The following FRMPD2 variants were observed in gnomAD, a reference collection of about 807,000 sequenced individuals.
The protein encoded by FRMPD2 is FERM and PDZ domain-containing protein 2.
FRMPD2 carries 96 observed loss-of-function variants against 140.1 expected under a neutral mutation model. The ratio of observed to expected loss-of-function variants is 0.69; its 90% CI spans 0.58 to 0.81. The LOEUF (loss-of-function observed/expected upper bound fraction) is 0.81. Among genes scored for constraint, FRMPD2 ranks in the 40% least tolerant of loss-of-function variants. FRMPD2 has a pLI of 0.00. For missense variants in FRMPD2, 1,240 were observed against 1,447.4 expected, an observed-to-expected ratio of 0.86 and a Z score of 2.32; for synonymous variants, 449 against 547.6, an observed-to-expected ratio of 0.82 and a Z score of 2.52.
At chr10:48,175,026 C>T (rs1385725936) in intron 23 of FRMPD2, 71 bp from the exon 24 acceptor site, 2 of 666,120 alleles carry the variant, frequency 3.0e-6, no homozygotes, top group South Asian at 1.9e-5. Flanking sequence ...CCAGGAGGCC[C>T]CTGCCCGGCA....
intron 12 of FRMPD2, among the ~76,000 whole-genome samples, chr10:48,218,449 C>T (rs2131895628): frequency 6.6e-6 from 1 of 152,306 alleles, no homozygotes; most frequent in East Asian, 1.9e-4. Context: ...TATTCACTTT[C>T]TTTTTGAAGG....
In FRMPD2 at chr10:48,164,313, T is replaced by C. The variant is rs185503619; in HGVS notation, c.3538-642A>G. Reference sequence around the variant, plus strand: ...GTCTTTGAGCTATTTTACAACTCTATAAATAAACAGGTCCTTTGAAATCTC... The same window carrying C: ...GTCTTTGAGCTATTTTACAACTCTACAAATAAACAGGTCCTTTGAAATCTC... On this transcript the variant is annotated intron_variant, in intron 27 of 28. Coordinates refer to ENST00000374201, the MANE Select transcript of FRMPD2 (RefSeq NM_001018071.4). Among the ~76,000 whole-genome samples the C allele has an allele frequency of 3.4e-3, 510 of 151,448 alleles. 21 individuals are homozygous for C. The highest frequency in any genetic ancestry group is 0.012 in the African/African-American group (494 of 40,952).
At chr10:48,212,651 T>C (rs1296581771) in intron 12 of FRMPD2, among the ~76,000 whole-genome samples, 1 of 152,198 alleles carries the variant, frequency 6.6e-6, no homozygotes. Flanking sequence ...CAAGGAGGTC[T>C]TAGCTTTGGC....
At chr10:48,258,261 C>G (rs1202816754) in intron 1 of FRMPD2, among the ~76,000 whole-genome samples, 1 of 152,202 alleles carries the variant, frequency 6.6e-6, no homozygotes, top group East Asian at 1.9e-4. Flanking sequence ...TCTGCTAGGC[C>G]CTAGTTAAAG....
intron 9 of FRMPD2, among the ~76,000 whole-genome samples, chr10:48,233,213 A>G (rs1839893919): frequency 6.6e-6 from 1 of 152,168 alleles, no homozygotes; most frequent in Non-Finnish European, 1.5e-5. Context: ...CCTGGCACCC[A>G]GGGGCAGCCT....
intron 1 of FRMPD2, among the ~76,000 whole-genome samples, chr10:48,253,052 C>A (rs549326388): frequency 6.6e-6 from 1 of 152,110 alleles, no homozygotes; most frequent in South Asian, 2.1e-4. Context: ...AAGAAGAAGA[C>A]CATGATTCTT....
chr10:48,237,386 G>A (rs1451517899), intron 8 of FRMPD2, among the ~76,000 whole-genome samples: 1 of 152,144 alleles, frequency 6.6e-6, no homozygotes, highest in Non-Finnish European at 1.5e-5. Flanking sequence ...CAAGTTCATG[G>A]AGGCCAGAGA....
intron 1 of FRMPD2, among the ~76,000 whole-genome samples, chr10:48,261,316 A>T (rs189261187): frequency 6.6e-4 from 101 of 151,950 alleles, no homozygotes; most frequent in African/African-American, 2.0e-3. Context: ...CAAGATAAAT[A>T]AAAAAAACAC....
chr10:48,191,914 C>G (rs1362881642), intron 16 of FRMPD2, among the ~76,000 whole-genome samples: 1 of 152,098 alleles, frequency 6.6e-6, no homozygotes, highest in Non-Finnish European at 1.5e-5. Flanking sequence ...GAGCTGGACT[C>G]TAAGGCCAGC....
chr10:48,175,042 C>A (rs1157358468), intron 23 of FRMPD2, 87 bp from the exon 24 acceptor site: 1 of 622,866 alleles, frequency 1.6e-6, no homozygotes, highest in African/African-American at 1.9e-5. Flanking sequence ...CGGCACCCCT[C>A]CATGCAGCCT....
rs1164168343 is a variant in FRMPD2, at chr10:48,157,176, G to A, written c.*146C>T. 11 of 720,698 alleles carry A rather than the reference G, an allele frequency of 1.5e-5. No homozygotes were observed. In the East Asian group the frequency reaches 2.6e-4, roughly 17 times the overall value. The allele number at this position is 720,698 out of a possible 1,614,324, so 44.6% of individuals were successfully genotyped here. A position where few individuals can be genotyped will look rare whatever the true frequency, so the allele number is the denominator to read the frequency against. On this transcript the variant is annotated 3_prime_UTR_variant, in exon 29 of 29. Transcript: ENST00000374201. The stretch of plus-strand genomic sequence containing the variant: ...AGACGAGTGGTGAAGCTCATTATCT[G>A]GTGATGCAGCCGCAGACGTAATGGT...
chr10:48,238,295 G>A lies in FRMPD2; in HGVS notation c.789-172C>T, dbSNP rs188003688. Among the ~76,000 whole-genome samples, 66 of 152,276 alleles carry A rather than the reference G, an allele frequency of 4.3e-4. No homozygotes were observed. In the Middle Eastern group the frequency reaches 0.014, roughly 31 times the overall value. ...CATTTTTCAAGTGGGGGAAGCTGAG[G>A]CCTGGAGAAGCCAGGCTGCACAGCC... On this transcript the variant is annotated intron_variant, in intron 7 of 28. Coordinates refer to ENST00000374201, the MANE Select transcript of FRMPD2 (RefSeq NM_001018071.4).
chr10:48,211,057 T>C (rs1588832089), intron 13 of FRMPD2, among the ~76,000 whole-genome samples: 1 of 152,176 alleles, frequency 6.6e-6, no homozygotes, highest in Admixed American at 6.5e-5. Context: ...GAGTAGCTGG[T>C]ATTGTTCTTG....
chr10:48,267,570 A>G (rs1042208435), intron 1 of FRMPD2, among the ~76,000 whole-genome samples: 1 of 152,268 alleles, frequency 6.6e-6, no homozygotes, highest in Non-Finnish European at 1.5e-5. Context: ...CAAATCATCA[A>G]TCTGATAAGG....
intron 14 of FRMPD2, 164 bp from the exon 15 acceptor site, chr10:48,201,548 T>C: frequency 1.8e-6 from 1 of 549,142 alleles, no homozygotes; most frequent in Middle Eastern, 4.7e-4. Flanking sequence ...TTCCTTAGCT[T>C]AAAGAAAATC....
chr10:48,201,378 T>G lies in FRMPD2; in HGVS notation c.1804A>C (p.Lys602Gln), dbSNP rs1382586100. 1 of 1,613,486 alleles carries G rather than the reference T, an allele frequency of 6.2e-7. No individual in the cohort carries two copies. Among genetic ancestry groups the G allele is most frequent in the Admixed American group, 1.7e-5 (1 of 59,988 alleles). Residue 602 changes from lysine to glutamine, a missense_variant, in exon 15 of 29, where the codon AAG (lysine) becomes CAG (glutamine). By Grantham distance (53) the Lys-to-Gln change is moderately conservative. Around this residue, in one of 6 missense-constraint regions of FRMPD2, gnomAD observed 1,161 missense variants for 1,055.9 expected, o/e 1.10. Transcript: ENST00000374201. ...ETGKISTYQKKFTITSSVTGK... is the reference protein window; with the variant it reads ...ETGKISTYQKQFTITSSVTGK... Reference sequence around the variant, plus strand: ...GTGACACTGCTTGTGATGGTGAACTTTTTTTGCTGAAGGAAGCAAACACAG... The same window carrying G: ...GTGACACTGCTTGTGATGGTGAACTGTTTTTGCTGAAGGAAGCAAACACAG...
In FRMPD2 at chr10:48,236,757, G is replaced by C. The variant is rs376635453; in HGVS notation, c.922-204C>G. Among the ~76,000 whole-genome samples the C allele has an allele frequency of 5.1e-4, 78 of 152,056 alleles. 1 individual carries two copies. The highest frequency in any genetic ancestry group is 1.8e-3 in the African/African-American group (74 of 41,392). On this transcript the variant is annotated intron_variant, in intron 8 of 28. Transcript: ENST00000374201. Reference sequence around the variant, plus strand: ...GCAGAAGTCTTACAGGTGGGTATAGGGTATCAGCAACATTCTGGCTCTTAA... The same window carrying C: ...GCAGAAGTCTTACAGGTGGGTATAGCGTATCAGCAACATTCTGGCTCTTAA...
chr10:48,254,996 T>C (rs964875489), intron 1 of FRMPD2, among the ~76,000 whole-genome samples: 1 of 152,198 alleles, frequency 6.6e-6, no homozygotes, highest in Non-Finnish European at 1.5e-5. Context: ...GAAAAGGGGA[T>C]CATTAACTAT....
At chr10:48,214,972 G>A (rs568936525) in intron 12 of FRMPD2, among the ~76,000 whole-genome samples, 4 of 152,182 alleles carry the variant, frequency 2.6e-5, no homozygotes, top group South Asian at 2.1e-4. Flanking sequence ...AAAAACCCCC[G>A]CATGTGATCA....
Sources: allele counts gnomAD v4.1 joint callset (sites outside exome capture counted in the v4.1 genomes callset), GRCh38; gene constraint gnomAD v4.1.1; regional missense constraint gnomAD v4.1.1; transcripts MANE v1.5; gene names NCBI Gene and HGNC (gene_info 2026-07-23, HGNC 2026-07-21).